The following LRRC74B variants were observed in gnomAD, a reference collection of about 807,000 sequenced individuals.
LRRC74B encodes the protein leucine rich repeat containing 74B.
Under a neutral mutation model 16.6 loss-of-function variants are expected in LRRC74B, and 30 were observed. The ratio of observed to expected loss-of-function variants is 1.80; its 90% CI spans 1.35 to 2.45. LRRC74B has a LOEUF of 2.45. Ranked by LOEUF, LRRC74B falls within the 30% of genes most tolerant of loss-of-function variation. LRRC74B has a pLI of 0.00. For missense variants in LRRC74B, 326 were observed against 202.4 expected (o/e 1.61, Z -3.71); for synonymous variants, 134 against 86.0 (o/e 1.56, Z -3.09).
chr22:21,056,501 C>T (rs78948833), intron 7 of LRRC74B: 1 of 114,400 alleles, frequency 8.7e-6, no homozygotes, highest in African/African-American at 3.3e-5. Context: ...GACTCTGTCT[C>T]AAAAAAAAAA....
Position 21,048,881 on chromosome 22 carries a change from G to T in LRRC74B, c.416-70G>T, listed in dbSNP as rs1234420705. 6 of 691,986 alleles carry T rather than the reference G, an allele frequency of 8.7e-6. No homozygotes were observed. The East Asian group carries it at 1.1e-4, about 13-fold the overall frequency. The allele number at this position is 691,986 out of a possible 1,614,324, so 42.9% of individuals were successfully genotyped here. A position where few individuals can be genotyped will look rare whatever the true frequency, so the allele number is the denominator to read the frequency against. Reference sequence around the variant, plus strand: ...TCCTCAGCCTCAGACCTGGAGGTTTGGGGGATGGCAGAAGTAGGGGAGTGC... The same window carrying T: ...TCCTCAGCCTCAGACCTGGAGGTTTTGGGGATGGCAGAAGTAGGGGAGTGC... On this transcript the variant is annotated intron_variant, in intron 3 of 8. Transcript: ENST00000442047.
rs1443136860 is a variant in LRRC74B at position 21,057,207 on chromosome 22, G to C, written c.1023+7G>C. 1 of 717,122 alleles carries C rather than the reference G, an allele frequency of 1.4e-6. No homozygotes were observed. Among genetic ancestry groups the C allele is most frequent in the Non-Finnish European group, 2.6e-6 (1 of 384,976 alleles). 44.4% of individuals were successfully genotyped at this position (717,122 alleles called of 1,614,324 possible). A position where few individuals can be genotyped will look rare whatever the true frequency, so the allele number is the denominator to read the frequency against. ...GGAACTGCTGGATTTCTCAGTAAGAGCATTTTATAAACCTCGTTTCTGATC... is the reference window on the plus strand; with the variant it reads ...GGAACTGCTGGATTTCTCAGTAAGACCATTTTATAAACCTCGTTTCTGATC... On this transcript the variant is annotated splice_region_variant and intron_variant, in intron 8 of 8. Coordinates refer to ENST00000442047, the Ensembl canonical transcript of LRRC74B.
chr22:21,059,834 C>A (rs1012655437), intron 8 of LRRC74B, among the ~76,000 whole-genome samples: 20 of 151,900 alleles, frequency 1.3e-4, no homozygotes, highest in Non-Finnish European at 8.8e-5. Context: ...AAGGGAAAGG[C>A]CTTGCACAGA....
intron 3 of LRRC74B, chr22:21,048,688 G>T (rs1929699905): frequency 6.1e-6 from 3 of 491,266 alleles, no homozygotes; most frequent in Non-Finnish European, 7.4e-6. Context: ...CGGTATAGCT[G>T]CCCCCCACCA....
chr22:21,045,996 T>A, exon 1 of LRRC74B: 1 of 717,448 alleles, frequency 1.4e-6, no homozygotes, highest in Non-Finnish European at 2.6e-6. Context: ...CATGAGGGGT[T>A]CCTGTGAGAG....
chr22:21,057,156 G>A (rs1340622013), exon 8 of LRRC74B: 1 of 717,456 alleles, frequency 1.4e-6, no homozygotes, highest in South Asian at 1.5e-5. Context: ...CCTCAAGTCT[G>A]TCCAGGACAA....
At chr22:21,049,388 A>G in intron 4 of LRRC74B, 1 of 535,166 alleles carries the variant, frequency 1.9e-6, no homozygotes, top group Non-Finnish European at 3.3e-6. Flanking sequence ...TGACTTAGCC[A>G]CCAGGGATCC....
intron 6 of LRRC74B, chr22:21,054,131 G>A (rs1930288972): frequency 6.6e-6 from 1 of 152,254 alleles, no homozygotes; most frequent in Non-Finnish European, 1.5e-5. Context: ...TTTGAGACCA[G>A]GCTAGGCAAT....
chr22:21,050,998 A>G (rs1929993438), intron 4 of LRRC74B, among the ~76,000 whole-genome samples: 2 of 149,174 alleles, frequency 1.3e-5, no homozygotes, highest in African/African-American at 4.9e-5. Flanking sequence ...AAAAAAAAAA[A>G]AAAAAAAATT....
downstream of LRRC74B, chr22:21,062,288 G>A (rs1296748888): frequency 6.6e-6 from 1 of 152,186 alleles, no homozygotes; most frequent in Non-Finnish European, 1.5e-5. Context: ...TTGTGGTGAT[G>A]TGCGACTCTA....
At chr22:21,054,198 C>T (rs555396548) in intron 6 of LRRC74B, among the ~76,000 whole-genome samples, 2 of 152,350 alleles carry the variant, frequency 1.3e-5, no homozygotes, top group East Asian at 3.9e-4. Context: ...CGGTGGCATA[C>T]ACCTATCATT....
chr22:21,056,596 GCA>G (rs747195504), intron 7 of LRRC74B: 27,367 of 139,992 alleles, frequency 0.2, 2,635 homozygotes, highest in South Asian at 0.29. Flanking sequence ...CAAGCTTGGA[GCA>G]CACACACACA....
intron 2 of LRRC74B, 132 bp downstream of exon 2, chr22:21,047,630 C>T: frequency 1.6e-6 from 1 of 627,776 alleles, no homozygotes; most frequent in African/African-American, 1.8e-5. Context: ...CTACCCTCCA[C>T]ATCTGGGAGA....
At chr22:21,055,845 C>G (rs1930481303) in intron 7 of LRRC74B, among the ~76,000 whole-genome samples, 1 of 152,204 alleles carries the variant, frequency 6.6e-6, no homozygotes, top group Non-Finnish European at 1.5e-5. Flanking sequence ...TTTCGAGTCA[C>G]CTCGTAGACA....
intron 4 of LRRC74B, 41 bp from the exon 5 acceptor site, chr22:21,052,208 G>A (rs773837507): frequency 1.4e-6 from 1 of 717,052 alleles, no homozygotes; most frequent in South Asian, 1.5e-5. Flanking sequence ...TTGAAGGAGT[G>A]AAGAGAGTGA....
chr22:21,046,810 G>C (rs1929478396), intron 1 of LRRC74B, among the ~76,000 whole-genome samples: 1 of 151,504 alleles, frequency 6.6e-6, no homozygotes, highest in South Asian at 2.1e-4. Context: ...AAAATTTTTT[G>C]GCTGGGTGGG....
chr22:21,056,780 G>C (rs1377585066), intron 7 of LRRC74B: 2 of 253,160 alleles, frequency 7.9e-6, no homozygotes, highest in Non-Finnish European at 1.5e-5. Flanking sequence ...CAGGGGAGCT[G>C]GTGCACACTC....
chr22:21,055,644 A>T (rs1348127780), intron 7 of LRRC74B, among the ~76,000 whole-genome samples: 2 of 152,252 alleles, frequency 1.3e-5, no homozygotes, highest in East Asian at 3.9e-4. Flanking sequence ...GCAAGCCGGG[A>T]GCAGGTCCCC....
intron 1 of LRRC74B, 69 bp downstream of exon 1, chr22:21,046,194 G>A: frequency 1.4e-6 from 1 of 701,402 alleles, no homozygotes; most frequent in Non-Finnish European, 2.6e-6. Flanking sequence ...GTTGGGGGAG[G>A]CGGGCTGGGG....
Sources: gnomAD v4.1 joint callset for allele counts (sites outside exome capture counted in the v4.1 genomes callset) on GRCh38, gnomAD v4.1.1 for gene constraint, MANE v1.5 for transcripts, NCBI Gene and HGNC (gene_info 2026-07-23, HGNC 2026-07-21) for gene names.